Variants in COL4A2 observed in about 807,000 individuals in gnomAD.
COL4A2 encodes the protein collagen alpha-2(IV) chain.
COL4A2 carries 99 observed loss-of-function variants against 200.2 expected under a neutral mutation model. The observed-to-expected ratio is 0.49, with a 90% CI of 0.42 to 0.58. The LOEUF is 0.58. COL4A2 is among the 20% of genes least tolerant of loss of function. COL4A2 has a pLI of 0.00. For synonymous variants in COL4A2, 897 were observed against 900.6 expected (o/e 1.00, Z 0.07); for missense variants, 1,950 against 2,314.1 (o/e 0.84, Z 3.23).
intron 3 of COL4A2, among the ~76,000 whole-genome samples, chr13:110,322,282 T>G (rs916185069): frequency 1.3e-5 from 2 of 152,184 alleles, no homozygotes; most frequent in Admixed American, 6.5e-5. Flanking sequence ...TGTTTTGCTT[T>G]CTGGTAAACG....
At chr13:110,490,369 G>A (rs1371789867) in intron 36 of COL4A2, among the ~76,000 whole-genome samples, 1 of 152,186 alleles carries the variant, frequency 6.6e-6, no homozygotes, top group African/African-American at 2.4e-5. Flanking sequence ...ATTTTCTTTT[G>A]GGGGGACCCC....
At chr13:110,386,577 A>G (rs1878761288) in intron 4 of COL4A2, among the ~76,000 whole-genome samples, 1 of 152,226 alleles carries the variant, frequency 6.6e-6, no homozygotes, top group Non-Finnish European at 1.5e-5. Context: ...AGTGCACCAT[A>G]TGGAGTGGAG....
intron 3 of COL4A2, among the ~76,000 whole-genome samples, chr13:110,345,767 G>A (rs1254109016): frequency 2.6e-5 from 4 of 152,116 alleles, no homozygotes; most frequent in African/African-American, 9.7e-5. Context: ...TCTGGCAATT[G>A]GTCCACTGAC....
chr13:110,446,281 T>C (rs7990186), intron 17 of COL4A2, among the ~76,000 whole-genome samples: 129,741 of 152,182 alleles, frequency 0.85, 55,547 homozygotes, highest in Middle Eastern at 0.93. Context: ...GCTGCTGGTC[T>C]AGCTGAGAGG....
intron 3 of COL4A2, among the ~76,000 whole-genome samples, chr13:110,351,138 T>A (rs755139302): frequency 1.3e-5 from 2 of 152,148 alleles, no homozygotes; most frequent in African/African-American, 2.4e-5. Context: ...AACCTCCACC[T>A]CCCGGGCTCA....
intron 7 of COL4A2, among the ~76,000 whole-genome samples, chr13:110,428,816 T>C (rs924621027): frequency 3.3e-5 from 5 of 152,248 alleles, no homozygotes; most frequent in African/African-American, 7.2e-5. Context: ...GTCTCCCAAG[T>C]GTCACTTCAT....
intron 4 of COL4A2, among the ~76,000 whole-genome samples, chr13:110,392,326 A>G (rs1267297198): frequency 6.6e-6 from 1 of 152,236 alleles, no homozygotes; most frequent in Non-Finnish European, 1.5e-5. Context: ...ATGATGCTAT[A>G]GTTGAAACGT....
At position 110,450,293 on chromosome 13, in the gene COL4A2, G is replaced by A. The variant is rs200623034; in HGVS notation, c.1190-12G>A. The A allele has an allele frequency of 1.9e-6, 3 of 1,611,840 alleles. No individual in the cohort carries two copies. The highest frequency in any genetic ancestry group is 4.5e-5 in the East Asian group (2 of 44,816). Reference sequence around the variant, plus strand: ...GAGACTCACGCTGCAGGTGAATGCTGTTTGGTTTCAGATCAGAGGAGAGGC... The same window carrying A: ...GAGACTCACGCTGCAGGTGAATGCTATTTGGTTTCAGATCAGAGGAGAGGC... On this transcript the variant is annotated splice_polypyrimidine_tract_variant and intron_variant, in intron 19 of 47. Transcript: ENST00000360467.
chr13:110,402,008 G>C (rs1271472063), intron 4 of COL4A2, among the ~76,000 whole-genome samples: 1 of 152,160 alleles, frequency 6.6e-6, no homozygotes, highest in East Asian at 1.9e-4. Flanking sequence ...TTGGGGATTA[G>C]ATTTCAGCTT....
intron 24 of COL4A2, among the ~76,000 whole-genome samples, chr13:110,465,028 G>A (rs577683315): frequency 2.2e-4 from 33 of 152,272 alleles, no homozygotes; most frequent in Admixed American, 3.3e-4. Flanking sequence ...CCATTTTACC[G>A]ATGCTAAATT....
chr13:110,339,919 A>T (rs1201951678), intron 3 of COL4A2, among the ~76,000 whole-genome samples: 1 of 152,258 alleles, frequency 6.6e-6, no homozygotes, highest in African/African-American at 2.4e-5. Context: ...GTATCCTGTA[A>T]CTAACCCAGT....
chr13:110,402,706 C>T (rs569666950), intron 4 of COL4A2, among the ~76,000 whole-genome samples: 4 of 152,380 alleles, frequency 2.6e-5, no homozygotes, highest in African/African-American at 9.6e-5. Flanking sequence ...TGAGCCCTCA[C>T]CTTACGGAGT....
intron 3 of COL4A2, chr13:110,328,430 T>C (rs1341038241): frequency 6.6e-6 from 1 of 152,250 alleles, no homozygotes; most frequent in Admixed American, 6.5e-5. Flanking sequence ...GCAAGTTCAC[T>C]GCTATCTGAA....
chr13:110,334,622 A>G (rs1262188504), intron 3 of COL4A2, among the ~76,000 whole-genome samples: 1 of 152,196 alleles, frequency 6.6e-6, no homozygotes, highest in Non-Finnish European at 1.5e-5. Flanking sequence ...TGCTCCTTAC[A>G]GTGTGGATTT....
chr13:110,490,099 C>T (rs536761627), intron 36 of COL4A2, among the ~76,000 whole-genome samples: 6 of 152,290 alleles, frequency 3.9e-5, no homozygotes, highest in African/African-American at 1.2e-4. Flanking sequence ...ACCCTGACTC[C>T]CGGAACACCT....
intron 4 of COL4A2, among the ~76,000 whole-genome samples, chr13:110,414,546 T>G (rs1879967876): frequency 6.6e-6 from 1 of 152,192 alleles, no homozygotes; most frequent in Non-Finnish European, 1.5e-5. Context: ...CCTGCCTGAT[T>G]GCTAATGAGC....
Position 110,432,351 on chromosome 13 carries a change from A to C in COL4A2, c.675A>C (p.Lys225Asn). The C allele has an allele frequency of 6.2e-7, 1 of 1,609,600 alleles. No homozygotes were observed. Among genetic ancestry groups the C allele is most frequent in the Non-Finnish European group, 8.5e-7 (1 of 1,178,124 alleles). ...GACCACCTGGACCCCCTGGACCAAA[A>C]GGACAGCAAGTAAGTTGGTTTTGGG... is the stretch of plus-strand genomic sequence containing the variant. ...RPGPPGPPGP[K>N]GQQGNRGLGF... is the part of the protein sequence containing the mutation. The change falls in exon 11 of 48, where the codon AAA becomes AAC. Residue 225 changes from lysine to asparagine, a missense_variant. Lys to Asn is a moderately conservative substitution (Grantham distance 94). Transcript: ENST00000360467.
At chr13:110,380,885 C>T (rs769470188) in intron 4 of COL4A2, among the ~76,000 whole-genome samples, 42 of 144,186 alleles carry the variant, frequency 2.9e-4, no homozygotes, top group Non-Finnish European at 3.5e-4. Context: ...CTCACACCCA[C>T]GAGCTCTATG....
chr13:110,414,042 G>T (rs969270662), intron 4 of COL4A2, among the ~76,000 whole-genome samples: 12 of 149,068 alleles, frequency 8.1e-5, no homozygotes, highest in Non-Finnish European at 1.3e-4. Context: ...CTGGGCAGTG[G>T]CTCATGCCTG....
Sources: gnomAD v4.1 joint callset for allele counts (sites outside exome capture counted in the v4.1 genomes callset) on GRCh38, gnomAD v4.1.1 for gene constraint, MANE v1.5 for transcripts, NCBI Gene and HGNC (gene_info 2026-07-23, HGNC 2026-07-21) for gene names.